The following MTUS2 variants were observed in gnomAD, a reference collection of about 807,000 sequenced individuals.
MTUS2 encodes microtubule-associated tumor suppressor candidate 2.
MTUS2 carries 40 observed loss-of-function variants against 114.1 expected under a neutral mutation model. That is an observed-to-expected ratio of 0.35 (90% CI 0.27 to 0.46). The LOEUF (loss-of-function observed/expected upper bound fraction) is 0.46. Among genes scored for constraint, MTUS2 ranks in the 20% least tolerant of loss-of-function variants. The pLI is 1.00. For synonymous variants in MTUS2, 688 were observed against 672.0 expected, an observed-to-expected ratio of 1.02 and a Z score of -0.37; for missense variants, 1,679 against 1,705.4, an observed-to-expected ratio of 0.98 and a Z score of 0.27.
At chr13:29,319,530 G>C (rs1413770296) in intron 6 of MTUS2, among the ~76,000 whole-genome samples, 1 of 152,178 alleles carries the variant, frequency 6.6e-6, no homozygotes, top group Admixed American at 6.5e-5. Flanking sequence ...TCCCGAGGTA[G>C]GGCTGTCATC....
intron 2 of MTUS2, among the ~76,000 whole-genome samples, chr13:28,894,743 TTG>T: frequency 6.6e-6 from 1 of 152,324 alleles, no homozygotes; most frequent in South Asian, 2.1e-4. Flanking sequence ...TGGGGTGGGT[TTG>T]TGTGACAAAT....
chr13:28,916,210 T>C (rs1434623015), intron 2 of MTUS2, among the ~76,000 whole-genome samples: 1 of 151,970 alleles, frequency 6.6e-6, no homozygotes, highest in East Asian at 1.9e-4. Context: ...CTTGGTAGTA[T>C]AATTTTAAGT....
intron 4 of MTUS2, among the ~76,000 whole-genome samples, chr13:29,065,219 G>T (rs1888609853): frequency 6.6e-6 from 1 of 152,162 alleles, no homozygotes; most frequent in South Asian, 2.1e-4. Flanking sequence ...TTCCACAGTG[G>T]TTGAGCTAAT....
intron 8 of MTUS2, among the ~76,000 whole-genome samples, chr13:29,419,755 G>A (rs1306586737): frequency 6.6e-6 from 1 of 152,228 alleles, no homozygotes; most frequent in African/African-American, 2.4e-5. Context: ...CAGGACACAT[G>A]TAGAAGTTCT....
intron 2 of MTUS2, among the ~76,000 whole-genome samples, chr13:28,976,552 A>G (rs1221960789): frequency 1.3e-5 from 2 of 152,174 alleles, no homozygotes; most frequent in East Asian, 3.9e-4. Context: ...AAGGGAGATC[A>G]ATTATGTGGC....
intron 2 of MTUS2, among the ~76,000 whole-genome samples, chr13:28,863,885 A>G: frequency 6.6e-6 from 1 of 152,100 alleles, no homozygotes; most frequent in Non-Finnish European, 1.5e-5. Flanking sequence ...TTATAGAGAT[A>G]GGTTCTCACT....
intron 8 of MTUS2, among the ~76,000 whole-genome samples, chr13:29,407,895 G>T (rs997456590): frequency 6.6e-6 from 1 of 152,032 alleles, no homozygotes; most frequent in East Asian, 1.9e-4. Context: ...GGTTTGAATC[G>T]GTGTCATATT....
chr13:29,261,038 A>C (rs1279244563), intron 5 of MTUS2, among the ~76,000 whole-genome samples: 1 of 152,064 alleles, frequency 6.6e-6, no homozygotes, highest in Non-Finnish European at 1.5e-5. Flanking sequence ...CTGGCAATAA[A>C]ATCAGTGTGC....
intron 2 of MTUS2, among the ~76,000 whole-genome samples, chr13:29,003,927 G>A (rs946056709): frequency 1.3e-5 from 2 of 152,168 alleles, no homozygotes; most frequent in African/African-American, 2.4e-5. Context: ...TTCATGTCAT[G>A]TGTTTCAGAT....
intron 8 of MTUS2, among the ~76,000 whole-genome samples, chr13:29,414,468 T>A (rs1365886809): frequency 9.5e-5 from 12 of 126,788 alleles, no homozygotes; most frequent in African/African-American, 2.6e-4. Context: ...AAAAAAAAAT[T>A]AAAAAAAAAA....
At chr13:28,839,398 G>A (rs1403259878) in intron 1 of MTUS2, among the ~76,000 whole-genome samples, 3 of 152,050 alleles carry the variant, frequency 2.0e-5, no homozygotes, top group African/African-American at 7.2e-5. Flanking sequence ...TATATCAGAG[G>A]TATTCTTCCC....
At chr13:28,973,430 G>T (rs551158547) in intron 2 of MTUS2, among the ~76,000 whole-genome samples, 1 of 152,236 alleles carries the variant, frequency 6.6e-6, no homozygotes, top group South Asian at 2.1e-4. Context: ...ATTTCTGAGG[G>T]TCATAGTGAA....
intron 6 of MTUS2, among the ~76,000 whole-genome samples, chr13:29,321,374 G>A (rs562953829): frequency 1.4e-4 from 22 of 152,288 alleles, no homozygotes; most frequent in African/African-American, 5.3e-4. Context: ...TGAGTGAAAC[G>A]AAAGCTTACC....
rs189999111 is a variant in MTUS2, at chr13:29,308,617, C to A, written c.2807-15996C>A. Among the ~76,000 whole-genome samples, 209 of 152,256 alleles carry A rather than the reference C, an allele frequency of 1.4e-3. 1 individual carries two copies. The highest frequency in any genetic ancestry group is 4.9e-3 in the African/African-American group (202 of 41,552). On this transcript the variant is annotated intron_variant, in intron 6 of 15. Coordinates refer to ENST00000612955, the MANE Select transcript of MTUS2 (RefSeq NM_001033602.4). ...AACCATCATCAGAGTGAACAGGCAACCTACAGATTGGGATAAAATTTTTGC... is the reference window on the plus strand; with the variant it reads ...AACCATCATCAGAGTGAACAGGCAAACTACAGATTGGGATAAAATTTTTGC...
At chr13:28,941,956 TGTATG>T (rs1882264273) in intron 2 of MTUS2, among the ~76,000 whole-genome samples, 1 of 152,184 alleles carries the variant, frequency 6.6e-6, no homozygotes, top group South Asian at 2.1e-4. Flanking sequence ...TGCATTTCAT[TGTATG>T]ATATAAAAAC....
intron 6 of MTUS2, among the ~76,000 whole-genome samples, chr13:29,321,137 A>G (rs1414922616): frequency 6.6e-6 from 1 of 150,472 alleles, no homozygotes; most frequent in East Asian, 1.9e-4. Flanking sequence ...TGGAAATCAC[A>G]GATGTGGTCA....
intron 2 of MTUS2, among the ~76,000 whole-genome samples, chr13:28,953,230 TG>T (rs1255733660): frequency 1.3e-5 from 2 of 151,898 alleles, no homozygotes; most frequent in Admixed American, 6.6e-5. Flanking sequence ...AGCTCTAGGC[TG>T]GGCGCAGTGT....
intron 10 of MTUS2, 36 bp from the exon 11 acceptor site, chr13:29,487,864 C>A: frequency 1.3e-6 from 2 of 1,501,294 alleles, no homozygotes; most frequent in Non-Finnish European, 1.9e-6. Flanking sequence ...CTCCAAGCAG[C>A]TCTCTGTCTA....
intron 4 of MTUS2, among the ~76,000 whole-genome samples, chr13:29,094,489 G>GTACAA (rs1890095643): frequency 6.6e-6 from 1 of 151,854 alleles, no homozygotes. Flanking sequence ...GTTGTTCATA[G>GTACAA]TACAATATTC....
Sources: allele counts gnomAD v4.1 joint callset (sites outside exome capture counted in the v4.1 genomes callset), GRCh38; gene constraint gnomAD v4.1.1; transcripts MANE v1.5; gene names NCBI Gene and HGNC (gene_info 2026-07-23, HGNC 2026-07-21).